The following STX8 variants were observed in gnomAD, a reference collection of about 807,000 sequenced individuals.
STX8 encodes the protein syntaxin 8.
A neutral mutation model predicts 37.5 loss-of-function variants in STX8; 23 were observed. The observed-to-expected ratio is 0.61, with a 90% CI of 0.44 to 0.87. The LOEUF (loss-of-function observed/expected upper bound fraction) is 0.87, where lower values mean the gene tolerates loss of function less well. Ranked by LOEUF, STX8 falls within the 40% of genes least tolerant of loss-of-function variation. The pLI is 0.00. For missense variants in STX8, 313 were observed against 284.7 expected (o/e 1.10, Z -0.71); for synonymous variants, 115 against 99.1 (o/e 1.16, Z -0.95).
At chr17:9,411,968 G>A (rs908322832) in intron 6 of STX8, among the ~76,000 whole-genome samples, 2 of 152,130 alleles carry the variant, frequency 1.3e-5, no homozygotes, top group Non-Finnish European at 2.9e-5. Flanking sequence ...ACTAAAAGTG[G>A]TATAGACAAG....
At chr17:9,276,274 A>T (rs1907672822) in intron 7 of STX8, among the ~76,000 whole-genome samples, 2 of 152,178 alleles carry the variant, frequency 1.3e-5, no homozygotes, top group African/African-American at 4.8e-5. Flanking sequence ...CAGGCTTACC[A>T]AGTCTGCCTT....
chr17:9,400,111 T>A (rs541394666), intron 6 of STX8, among the ~76,000 whole-genome samples: 4,172 of 150,706 alleles, frequency 0.028, 87 homozygotes, highest in Non-Finnish European at 0.039. Flanking sequence ...TTATTATTTT[T>A]TTTTTTTTTG....
intron 4 of STX8, among the ~76,000 whole-genome samples, chr17:9,508,335 TA>T (rs1044959735): frequency 2.4e-4 from 37 of 152,170 alleles, no homozygotes; most frequent in African/African-American, 8.9e-4. Context: ...TTTATTTATT[TA>T]TTTTTTTGGA....
At chr17:9,298,072 T>C (rs1375442012) in intron 7 of STX8, among the ~76,000 whole-genome samples, 1 of 152,218 alleles carries the variant, frequency 6.6e-6, no homozygotes. Flanking sequence ...ATACCCAAAA[T>C]TCCACTGCTG....
chr17:9,462,264 C>T (rs191808823), intron 6 of STX8, among the ~76,000 whole-genome samples: 1 of 152,192 alleles, frequency 6.6e-6, no homozygotes, highest in East Asian at 1.9e-4. Context: ...CTAAGGAAAC[C>T]TGAGGCTGAC....
At chr17:9,551,441 A>G (rs1367663998) in intron 3 of STX8, among the ~76,000 whole-genome samples, 1 of 152,188 alleles carries the variant, frequency 6.6e-6, no homozygotes, top group African/African-American at 2.4e-5. Flanking sequence ...CAATAATGAT[A>G]AAATAATCAA....
At chr17:9,575,182 ATTG>A (rs1236191525) in intron 1 of STX8, among the ~76,000 whole-genome samples, 2 of 152,198 alleles carry the variant, frequency 1.3e-5, no homozygotes, top group African/African-American at 4.8e-5. Context: ...CTTATCAGCT[ATTG>A]TTTTACTGCA....
chr17:9,366,862 C>A (rs749995290), intron 7 of STX8, among the ~76,000 whole-genome samples: 1 of 152,148 alleles, frequency 6.6e-6, no homozygotes, highest in African/African-American at 2.4e-5. Flanking sequence ...GAATGAGCAA[C>A]TGATGTGGCG....
chr17:9,465,089 T>C (rs1327894505), intron 6 of STX8, among the ~76,000 whole-genome samples: 1 of 152,132 alleles, frequency 6.6e-6, no homozygotes, highest in Non-Finnish European at 1.5e-5. Context: ...TTCTCCACCA[T>C]GAAGCTATTC....
chr17:9,258,471 T>C (rs1271952191), intron 7 of STX8, among the ~76,000 whole-genome samples: 1 of 152,238 alleles, frequency 6.6e-6, no homozygotes, highest in Non-Finnish European at 1.5e-5. Context: ...GGGCTGTGTG[T>C]GCTCTGCTGG....
At chr17:9,394,868 C>T (rs1438228313) in intron 6 of STX8, among the ~76,000 whole-genome samples, 1 of 150,376 alleles carries the variant, frequency 6.6e-6, no homozygotes, top group Non-Finnish European at 1.5e-5. Context: ...GAGTTTGAGA[C>T]CAGCCTGGCC....
rs1047943027 is a variant in STX8, at chr17:9,299,644, C to T, written c.644-48999G>A. 1.6e-4 allele frequency among the ~76,000 whole-genome samples: 25 copies of T among 151,940 alleles called. 1 individual carries two copies. Among genetic ancestry groups the T allele is most frequent in the African/African-American group, 5.3e-4 (22 of 41,372 alleles). ...ATTTTTAGTAGAGACAGGGTTTCAC[C>T]GTGTTAGCCAGGATGGTCTCAATCT... On this transcript the variant is annotated intron_variant, in intron 7 of 7. Transcript: ENST00000306357.
At chr17:9,427,775 G>C (rs1014991258) in intron 6 of STX8, among the ~76,000 whole-genome samples, 1 of 152,154 alleles carries the variant, frequency 6.6e-6, no homozygotes, top group South Asian at 2.1e-4. Context: ...TAGAAGGCTA[G>C]CGGGTGCCTG....
chr17:9,316,745 A>G (rs562958698), intron 7 of STX8, among the ~76,000 whole-genome samples: 1 of 152,236 alleles, frequency 6.6e-6, no homozygotes, highest in Non-Finnish European at 1.5e-5. Flanking sequence ...GGGTCCTGGG[A>G]ACCCCCAATT....
chr17:9,264,743 TG>T (rs1464757351), intron 7 of STX8, among the ~76,000 whole-genome samples: 1 of 152,248 alleles, frequency 6.6e-6, no homozygotes, highest in Admixed American at 6.5e-5. Flanking sequence ...ATGCTTCATG[TG>T]GTTTTAAATT....
intron 7 of STX8, among the ~76,000 whole-genome samples, chr17:9,315,170 A>C (rs1909340940): frequency 6.6e-6 from 1 of 151,900 alleles, no homozygotes; most frequent in African/African-American, 2.4e-5. Flanking sequence ...AACAAAAACA[A>C]AAAACAAAAA....
intron 7 of STX8, among the ~76,000 whole-genome samples, chr17:9,279,504 C>T (rs1315242498): frequency 1.3e-5 from 2 of 152,208 alleles, no homozygotes; most frequent in Admixed American, 1.3e-4. Context: ...AGTTTATCAT[C>T]AGAGTTGACT....
At chr17:9,366,068 T>C (rs1057214294) in intron 7 of STX8, among the ~76,000 whole-genome samples, 1 of 152,204 alleles carries the variant, frequency 6.6e-6, no homozygotes, top group Admixed American at 6.5e-5. Flanking sequence ...TTCCATGATC[T>C]GGTCCCAGCC....
At chr17:9,363,786 C>A (rs1303641134) in intron 7 of STX8, among the ~76,000 whole-genome samples, 2 of 152,086 alleles carry the variant, frequency 1.3e-5, no homozygotes, top group East Asian at 3.9e-4. Context: ...CATTTCTGAC[C>A]CCTTGATGAT....
Sources: gnomAD v4.1 joint callset for allele counts (sites outside exome capture counted in the v4.1 genomes callset) on GRCh38, gnomAD v4.1.1 for gene constraint, MANE v1.5 for transcripts, NCBI Gene and HGNC (gene_info 2026-07-23, HGNC 2026-07-21) for gene names.